The following CYRIB variants were observed in gnomAD, a reference collection of about 807,000 sequenced individuals.
CYRIB encodes the protein CYFIP related Rac1 interactor B, also known as CYFIP-related Rac1 interactor B.
CYRIB carries 8 observed loss-of-function variants against 44.2 expected under a neutral mutation model. That is an observed-to-expected ratio of 0.18 (90% CI 0.11 to 0.33). The LOEUF (loss-of-function observed/expected upper bound fraction) is 0.33. Ranked by LOEUF, CYRIB falls within the 10% of genes least tolerant of loss-of-function variation. CYRIB has a pLI of 1.00. For missense variants in CYRIB, 185 were observed against 382.8 expected, an observed-to-expected ratio of 0.48 and a Z score of 4.31; for synonymous variants, 131 against 127.2, an observed-to-expected ratio of 1.03 and a Z score of -0.20.
intron 2 of CYRIB, among the ~76,000 whole-genome samples, chr8:129,952,798 T>C (rs1024573581): frequency 1.3e-5 from 2 of 152,040 alleles, no homozygotes; most frequent in Non-Finnish European, 2.9e-5. Context: ...GAAAAGTGAG[T>C]AGATAAAGGA....
intron 3 of CYRIB, among the ~76,000 whole-genome samples, chr8:129,878,205 C>G (rs2059797578): frequency 6.6e-6 from 1 of 152,192 alleles, no homozygotes; most frequent in Admixed American, 6.5e-5. Flanking sequence ...CTTTACTAGC[C>G]TGTACACAGT....
intron 1 of CYRIB, among the ~76,000 whole-genome samples, chr8:129,905,489 T>C (rs1052669401): frequency 1.2e-4 from 19 of 152,232 alleles, no homozygotes; most frequent in Non-Finnish European, 2.1e-4. Flanking sequence ...AGTGCTGGGA[T>C]TACAATCTTT....
chr8:129,973,601 T>TG (rs1343420223), intron 1 of CYRIB, among the ~76,000 whole-genome samples: 1 of 152,236 alleles, frequency 6.6e-6, no homozygotes, highest in African/African-American at 2.4e-5. Flanking sequence ...CGTGGACTCC[T>TG]GCTCCTTCCT....
At chr8:129,944,893 C>T (rs773308045) in intron 2 of CYRIB, among the ~76,000 whole-genome samples, 2 of 152,132 alleles carry the variant, frequency 1.3e-5, no homozygotes, top group Non-Finnish European at 1.5e-5. Flanking sequence ...TACACACTCA[C>T]ATCTATCATT....
intron 1 of CYRIB, among the ~76,000 whole-genome samples, chr8:129,990,061 G>A (rs2096589755): frequency 6.6e-6 from 1 of 152,046 alleles, no homozygotes; most frequent in Non-Finnish European, 1.5e-5. Context: ...GGCAGTAAGA[G>A]GGCCACCTCT....
At chr8:129,858,442 T>C (rs879759337) in intron 5 of CYRIB, among the ~76,000 whole-genome samples, 2 of 152,144 alleles carry the variant, frequency 1.3e-5, no homozygotes, top group Admixed American at 1.3e-4. Flanking sequence ...ATGATAAAGA[T>C]GACAAATCAG....
At chr8:129,879,636 G>A (rs2133895391) in intron 2 of CYRIB, 165 bp from the exon 5 acceptor site, 1 of 584,922 alleles carries the variant, frequency 1.7e-6, no homozygotes, top group East Asian at 2.9e-5. Context: ...GGGTTCTCAA[G>A]GTGTTGATAT....
chr8:129,918,782 A>G lies in CYRIB; in HGVS notation c.-49-15432T>C, dbSNP rs181696813. On this transcript the variant is annotated intron_variant, in intron 1 of 11. Transcript: ENST00000519824. Reference sequence around the variant, plus strand: ...CTGAATGAGTGAATAAGCAAACATCATAAATAATATAAGTACATTAGAATA... The same window carrying G: ...CTGAATGAGTGAATAAGCAAACATCGTAAATAATATAAGTACATTAGAATA... Among the ~76,000 whole-genome samples the G allele has an allele frequency of 1.9e-3, 284 of 152,356 alleles. 2 individuals are homozygous for G. The highest frequency in any genetic ancestry group is 2.3e-3 in the Non-Finnish European group (154 of 68,042).
intron 1 of CYRIB, among the ~76,000 whole-genome samples, chr8:129,935,098 AAT>A (rs1156994721): frequency 6.6e-6 from 1 of 152,194 alleles, no homozygotes; most frequent in Non-Finnish European, 1.5e-5. Flanking sequence ...GGCCACGAGA[AAT>A]AGAGTGATCC....
intron 3 of CYRIB, among the ~76,000 whole-genome samples, chr8:129,874,904 G>A (rs2058593117): frequency 2.0e-5 from 3 of 152,098 alleles, no homozygotes; most frequent in Non-Finnish European, 4.4e-5. Flanking sequence ...GAACTATAGA[G>A]GAAATGCATG....
chr8:129,869,443 T>G (rs1588026178), intron 4 of CYRIB, among the ~76,000 whole-genome samples: 1 of 138,784 alleles, frequency 7.2e-6, no homozygotes. Flanking sequence ...CTATAGCGAG[T>G]AAGATTTTTC....
upstream of CYRIB, among the ~76,000 whole-genome samples, chr8:129,944,158 G>T (rs1311174816): frequency 6.6e-6 from 1 of 152,096 alleles, no homozygotes; most frequent in African/African-American, 2.4e-5. Context: ...TTTATATCAG[G>T]ATCACTCTGA....
At chr8:129,962,870 G>A (rs1241628076) in intron 2 of CYRIB, among the ~76,000 whole-genome samples, 2 of 152,120 alleles carry the variant, frequency 1.3e-5, no homozygotes, top group East Asian at 1.9e-4. Context: ...AACGGTACCC[G>A]CATTTCCCTG....
chr8:129,961,931 C>T (rs2095276908), intron 2 of CYRIB, among the ~76,000 whole-genome samples: 1 of 152,142 alleles, frequency 6.6e-6, no homozygotes, highest in African/African-American at 2.4e-5. Context: ...CTTTAACAAA[C>T]ACAATTATCA....
intron 2 of CYRIB, among the ~76,000 whole-genome samples, chr8:129,967,352 T>C (rs2095516765): frequency 6.6e-6 from 1 of 150,806 alleles, no homozygotes; most frequent in Non-Finnish European, 1.5e-5. Context: ...TTTTCTTTGG[T>C]TTTGTTTTGT....
intron 1 of CYRIB, among the ~76,000 whole-genome samples, chr8:129,933,021 T>C (rs1238728213): frequency 2.0e-5 from 3 of 152,110 alleles, no homozygotes; most frequent in Non-Finnish European, 4.4e-5. Context: ...ATCATAACAA[T>C]AAGGGCAACA....
At chr8:129,962,484 G>C (rs2095305615) in intron 2 of CYRIB, among the ~76,000 whole-genome samples, 1 of 151,998 alleles carries the variant, frequency 6.6e-6, no homozygotes, top group Non-Finnish European at 1.5e-5. Flanking sequence ...AATAAACGTG[G>C]GGTGATGTCA....
intron 2 of CYRIB, among the ~76,000 whole-genome samples, chr8:129,968,148 A>C (rs2132049033): frequency 6.6e-6 from 1 of 152,346 alleles, no homozygotes; most frequent in African/African-American, 2.4e-5. Flanking sequence ...TTTTGTTCTA[A>C]GGAGTAAATG....
intron 5 of CYRIB, among the ~76,000 whole-genome samples, chr8:129,856,090 G>A (rs1206822908): frequency 6.6e-6 from 1 of 152,206 alleles, no homozygotes; most frequent in African/African-American, 2.4e-5. Flanking sequence ...GTGGAATTTG[G>A]TTTTATGAAA....
Sources: gnomAD v4.1 joint callset for allele counts (sites outside exome capture counted in the v4.1 genomes callset) on GRCh38, gnomAD v4.1.1 for gene constraint, MANE v1.5 for transcripts, NCBI Gene and HGNC (gene_info 2026-07-23, HGNC 2026-07-21) for gene names.